HSPG2: variants seen among roughly 807,000 people sequenced by gnomAD.
The protein encoded by HSPG2 is heparan sulfate proteoglycan 2.
Under a neutral mutation model 526.6 loss-of-function variants are expected in HSPG2, and 278 were observed. The ratio of observed to expected loss-of-function variants is 0.53; its 90% confidence interval spans 0.48 to 0.58. The LOEUF is 0.58. Ranked by LOEUF, HSPG2 falls within the 20% of genes least tolerant of loss-of-function variation. The pLI, the probability that HSPG2 is intolerant of heterozygous loss-of-function variation, is 0.00. For missense variants in HSPG2, 5,354 were observed against 6,099.5 expected, an observed-to-expected ratio of 0.88 and a Z score of 4.07; for synonymous variants, 2,465 against 2,555.4, an observed-to-expected ratio of 0.96 and a Z score of 1.07.
intron 67 of HSPG2, 58 bp from the exon 68 acceptor site, chr1:21,842,438 C>A: frequency 6.6e-7 from 1 of 1,507,322 alleles, no homozygotes; most frequent in African/African-American, 1.4e-5. Flanking sequence ...AAGGAATGTC[C>A]CCAAGCCCAA....
rs1312974208 is a variant in HSPG2 at position 21,848,852 on chromosome 1, C to T, written c.7585+41G>A. ...AGCTGCTGAGGGTGCAGTCGGGGTC[C>T]CCCAGCCCTCCACCATTTGCATGAC... On this transcript the variant is annotated intron_variant, in intron 58 of 96. Transcript: ENST00000374695. The surrounding 1 kb of genome is among the most constrained non-coding windows in gnomAD (Gnocchi z 4.9). 3 of 1,613,040 alleles carry T rather than the reference C, an allele frequency of 1.9e-6. No individual in the cohort carries two copies. The highest frequency in any genetic ancestry group is 2.5e-6 in the Non-Finnish European group (3 of 1,179,952).
intron 1 of HSPG2, among the ~76,000 whole-genome samples, chr1:21,916,971 A>T (rs749822549): frequency 6.6e-5 from 10 of 152,212 alleles, no homozygotes; most frequent in Non-Finnish European, 1.5e-4. Flanking sequence ...CAAGGCTGGA[A>T]ACGGCTAACG....
intron 1 of HSPG2, among the ~76,000 whole-genome samples, chr1:21,911,914 C>A (rs114442791): frequency 8.4e-4 from 128 of 152,316 alleles, no homozygotes; most frequent in African/African-American, 2.8e-3. Context: ...CCCATAATTA[C>A]AACTGACCAT....
intron 56 of HSPG2, 61 bp downstream of exon 56, chr1:21,850,302 G>T (rs1450148044): frequency 9.3e-6 from 15 of 1,606,442 alleles, no homozygotes; most frequent in Non-Finnish European, 1.3e-5. Context: ...TCCTGCCGTT[G>T]CAAGAGTGGG....
In HSPG2 at chr1:21,846,552, C is replaced by T. The variant is rs144862631; in HGVS notation, c.8212G>A (p.Val2738Met). 172 of 1,613,716 alleles carry T rather than the reference C, an allele frequency of 1.1e-4. No homozygotes were observed. The highest frequency in any genetic ancestry group is 3.6e-4 in the African/African-American group (27 of 75,050). ...AGATCCAGGGTCTCCCCTTCGGCCA[C>T]GTGTGAGGAGGATGACTCAATTCTG... ...PIRIESSSSH[V>M]AEGETLDLNC... is the part of the protein sequence containing the mutation. The change falls in exon 63 of 97, where the codon GTG (valine) becomes ATG (methionine). Residue 2738 changes from valine (V) to methionine (M), a missense_variant. Coordinates refer to ENST00000374695, the MANE Select transcript of HSPG2 (RefSeq NM_005529.7).
intron 1 of HSPG2, among the ~76,000 whole-genome samples, chr1:21,934,006 G>T (rs1402343943): frequency 6.6e-6 from 1 of 152,214 alleles, no homozygotes; most frequent in Non-Finnish European, 1.5e-5. Context: ...TCACCACCGA[G>T]GCTCCCTCAA....
Position 21,887,596 on chromosome 1 carries a change from G to A in HSPG2, c.782C>T (p.Thr261Ile). The change falls in exon 8 of 97, where the codon ACC (threonine) becomes ATC (isoleucine). Residue 261 changes from threonine (T) to isoleucine (I), a missense_variant. Transcript: ENST00000374695. The surrounding 1 kb of genome is among the most constrained non-coding windows in gnomAD (Gnocchi z 5.0). ...TTSLPPRPET[T>I]IMRQPPVTHA... ...GGTGACTGGTGGCTGTCGCATGATG[G>A]TTGTCTCTGGCCGGGGCGGTAAAGA... is the stretch of plus-strand genomic sequence containing the variant. 1 of 1,614,090 alleles carries A rather than the reference G, an allele frequency of 6.2e-7. No homozygotes were observed. The highest frequency in any genetic ancestry group is 8.5e-7 in the Non-Finnish European group (1 of 1,180,022).
chr1:21,842,750 C>T lies in HSPG2; in HGVS notation c.8910+20G>A. ...CTAACCTTGCCTGACCTGGAATCCT[C>T]CCCATCCTGGCCCCTGTACCTGGTG... On this transcript the variant is annotated intron_variant, in intron 67 of 96. Transcript: ENST00000374695. 1.9e-6 allele frequency: 3 copies of T among 1,612,418 alleles called. No homozygotes were observed. The highest frequency in any genetic ancestry group is 1.7e-5 in the Admixed American group (1 of 60,032).
In HSPG2 at chr1:21,830,013, G is replaced by A. The variant is rs1395524891; in HGVS notation, c.11750C>T (p.Ser3917Leu). ...CTCACCTTCCTCACACCGCAACCCCGAGCGGCCCAGGTGGCAGCGGCAGGT... is the reference window on the plus strand; with the variant it reads ...CTCACCTTCCTCACACCGCAACCCCAAGCGGCCCAGGTGGCAGCGGCAGGT... ...GYTCRCHLGR[S>L]GLRCEEGVTV... The change falls in exon 86 of 97, where the codon TCG (serine) becomes TTG (leucine). Residue 3917 changes from serine to leucine, a missense_variant. Ser to Leu is a moderately radical substitution (Grantham distance 145, BLOSUM62 -2). Transcript: ENST00000374695. 5.6e-6 allele frequency: 9 copies of A among 1,610,066 alleles called. 1 individual carries two copies. The South Asian group carries it at 7.8e-5, about 14-fold the overall frequency.
chr1:21,826,581 C>T (rs2097975642), intron 91 of HSPG2, among the ~76,000 whole-genome samples: 1 of 151,986 alleles, frequency 6.6e-6, no homozygotes, highest in African/African-American at 2.4e-5. Flanking sequence ...GCAATCTTGG[C>T]TCATGGCAAC....
At chr1:21,832,754 C>A in intron 80 of HSPG2, 148 bp from the exon 81 acceptor site, 1 of 650,910 alleles carries the variant, frequency 1.5e-6, no homozygotes, top group South Asian at 1.8e-5. Flanking sequence ...AGGGCCTTCT[C>A]ACTATCTCAG....
In HSPG2 at chr1:21,872,416, C is replaced by G; in HGVS notation, c.4030-39G>C. 2 of 1,530,822 alleles carry G rather than the reference C, an allele frequency of 1.3e-6. No individual in the cohort carries two copies. The highest frequency in any genetic ancestry group is 1.8e-6 in the Non-Finnish European group (2 of 1,132,710). 94.8% of individuals were successfully genotyped at this position (1,530,822 alleles called of 1,614,324 possible). On this transcript the variant is annotated intron_variant, in intron 32 of 96. Coordinates refer to ENST00000374695, the MANE Select transcript of HSPG2 (RefSeq NM_005529.7). This position sits in a 1 kb window ranked among gnomAD's most constrained non-coding sequence, Gnocchi z 5.5. ...AAGGAGGGGGCGTCAGCCTGAGCACCGGGGTGCCTTGGTGGGGGATGGGGC... is the reference window on the plus strand; with the variant it reads ...AAGGAGGGGGCGTCAGCCTGAGCACGGGGGTGCCTTGGTGGGGGATGGGGC...
Position 21,865,484 on chromosome 1 carries a change from G to A in HSPG2, c.4315-119C>T. 1 of 1,024,896 alleles carries A rather than the reference G, an allele frequency of 9.8e-7. No individual in the cohort carries two copies. The highest frequency in any genetic ancestry group is 1.5e-6 in the Non-Finnish European group (1 of 659,394). The allele number at this position is 1,024,896 out of a possible 1,614,324, so 63.5% of individuals were successfully genotyped here. A position where few individuals can be genotyped will look rare whatever the true frequency, so the allele number is the denominator to read the frequency against. On this transcript the variant is annotated intron_variant, in intron 34 of 96. Transcript: ENST00000374695. The surrounding 1 kb of genome is among the most constrained non-coding windows in gnomAD (Gnocchi z 5.4). ...GCCTCCCACCTCTCTGCTCTCCCAA[G>A]CTCATGCGCCCAAAGGAGTCAGGCA...
rs34019350 is a variant in HSPG2 at position 21,851,262 on chromosome 1, C to T, written c.7158+284G>A. 0.051 allele frequency: 24,840 copies of T among 484,424 alleles called. 871 individuals carry two copies. Among genetic ancestry groups the T allele is most frequent in the South Asian group, 0.11 (5,042 of 46,960 alleles). 30.0% of individuals were successfully genotyped at this position (484,424 alleles called of 1,614,324 possible). On this transcript the variant is annotated intron_variant, in intron 55 of 96. Transcript: ENST00000374695. ...TGCTGGGATTACAGGCGTAAGCCAC[C>T]GTGCCCGGCTGGTACGTACCATTGT...
intron 87 of HSPG2, 78 bp from the exon 88 acceptor site, chr1:21,829,157 T>C (rs1164778815): frequency 4.7e-6 from 7 of 1,493,870 alleles, no homozygotes; most frequent in Non-Finnish European, 5.4e-6. Flanking sequence ...AACAGGGCCC[T>C]GAGCAGATGG....
Position 21,832,509 on chromosome 1 carries a change from T to C in HSPG2, c.11193A>G (p.Gly3731=), listed in dbSNP as rs1258746946. Residue 3731 remains glycine (G), a synonymous_variant, in exon 81 of 97, where the codon GGA becomes GGG. Transcript: ENST00000374695. ...PDFISFGLVG[G]RPEFRFDAGS... is the part of the protein sequence containing the mutation. ...GGGGGTCTCACCGGAACTCGGGCCT[T>C]CCCCCCACGAGGCCGAAGGAGATGA... 1.2e-6 allele frequency: 2 copies of C among 1,613,720 alleles called. No individual in the cohort carries two copies.
At chr1:21,926,342 T>C (rs1644190957) in intron 1 of HSPG2, among the ~76,000 whole-genome samples, 1 of 152,078 alleles carries the variant, frequency 6.6e-6, no homozygotes, top group African/African-American at 2.4e-5. Flanking sequence ...GAGGAGAACC[T>C]GCAGGTCCCA....
At chr1:21,876,169 C>T in intron 23 of HSPG2, 60 bp downstream of exon 23, 13 of 1,570,352 alleles carry the variant, frequency 8.3e-6, no homozygotes, top group Non-Finnish European at 1.1e-5. Context: ...CGCCTCCAAG[C>T]CTTTGCCTGC....
chr1:21,890,454 T>C lies in HSPG2; in HGVS notation c.386A>G (p.Asp129Gly), dbSNP rs767969810. Residue 129 changes from aspartate to glycine, a missense_variant, in exon 5 of 97, where the codon GAC becomes GGC. Coordinates refer to ENST00000374695, the MANE Select transcript of HSPG2 (RefSeq NM_005529.7). This position sits in a 1 kb window ranked among gnomAD's most constrained non-coding sequence, Gnocchi z 4.1. The part of the protein sequence containing the change: ...LESEYLKIPG[D>G]QVVSVVFIKE... ...GATGAACACCACACTGACAACCTGG[T>C]CTCCGGGAATTTTCAAGTACTCCGA... is the stretch of plus-strand genomic sequence containing the variant. The C allele has an allele frequency of 2.5e-6, 4 of 1,613,502 alleles. No individual in the cohort carries two copies. Among genetic ancestry groups the C allele is most frequent in the African/African-American group, 2.7e-5 (2 of 74,668 alleles).
Sources: allele counts gnomAD v4.1 joint callset (sites outside exome capture counted in the v4.1 genomes callset), GRCh38; gene constraint gnomAD v4.1.1; non-coding constraint Gnocchi (gnomAD v3.1); transcripts MANE v1.5; gene names NCBI Gene and HGNC (gene_info 2026-07-23, HGNC 2026-07-21).